The following MCM9 variants were observed in gnomAD, a reference collection of about 807,000 sequenced individuals.
MCM9 encodes minichromosome maintenance 9 homologous recombination repair factor, also known as DNA helicase MCM9.
Under a neutral mutation model 72.8 loss-of-function variants are expected in MCM9, and 55 were observed. The observed-to-expected ratio is 0.76, with a 90% confidence interval of 0.61 to 0.95. The LOEUF is 0.95. Among genes scored for constraint, MCM9 ranks in the 40% least tolerant of loss-of-function variants. The probability of loss-of-function intolerance (pLI) is 0.00; values close to 1 mark genes in which losing one functional copy is unlikely to be tolerated. For synonymous variants in MCM9, 480 were observed against 503.4 expected (o/e 0.95, Z 0.62); for missense variants, 1,279 against 1,377.0 (o/e 0.93, Z 1.13).
intron 4 of MCM9, 59 bp downstream of exon 4, chr6:118,923,752 T>C (rs928146350): frequency 7.0e-7 from 1 of 1,430,140 alleles, no homozygotes; most frequent in Non-Finnish European, 9.7e-7. Context: ...CCTCCCAATG[T>C]GCCCATAGCT....
Position 118,816,197 on chromosome 6 carries a change from A to G in MCM9, c.2059T>C (p.Phe687Leu), listed in dbSNP as rs1046135510. ...LRNGPGEESN[F>L]RTSSQQEINY... is the part of the protein sequence containing the mutation. ...ATTTCCTGCTGTGATGAAGTTCTGA[A>G]GTTTGATTCTTCCCCTGGACCATTT... is the stretch of plus-strand genomic sequence containing the variant. The change falls in exon 14 of 14, where the codon TTC becomes CTC. Residue 687 changes from phenylalanine (F) to leucine (L), a missense_variant. Physicochemically the swap from Phe to Leu is conservative, Grantham distance 22. Transcript: ENST00000619706. 6.4e-7 allele frequency: 1 copy of G among 1,550,496 alleles called. No homozygotes were observed. Among genetic ancestry groups the G allele is most frequent in the Admixed American group, 2.0e-5 (1 of 50,986 alleles).
At chr6:118,879,251 A>G (rs868306565) in intron 8 of MCM9, among the ~76,000 whole-genome samples, 1,578 of 93,420 alleles carry the variant, frequency 0.017, 28 homozygotes, top group African/African-American at 0.053. Context: ...GGAGGGGGAA[A>G]AAAAAAAAAA....
chr6:118,863,081 A>G (rs1438245077), intron 8 of MCM9, among the ~76,000 whole-genome samples: 1 of 152,220 alleles, frequency 6.6e-6, no homozygotes, highest in African/African-American at 2.4e-5. Flanking sequence ...CCTGAAAGAT[A>G]AAAACTTTTA....
At position 118,931,545 on chromosome 6, in the gene MCM9, A is replaced by G. The variant is rs1267856119; in HGVS notation, c.179T>C (p.Met60Thr). ...AATTGTAAGCACTTCACTGGGGAAC[A>G]TGTTGAAATATTCCCCGATTTCCAT... is the stretch of plus-strand genomic sequence containing the variant. ...TNMEIGEYFN[M>T]FPSEVLTIFD... The change falls in exon 3 of 14, where the codon ATG becomes ACG. Residue 60 changes from methionine (M) to threonine (T), a missense_variant. Transcript: ENST00000619706. 6.2e-7 allele frequency: 1 copy of G among 1,614,184 alleles called. No homozygotes were observed.
At chr6:118,861,083 G>A (rs548272164) in intron 8 of MCM9, among the ~76,000 whole-genome samples, 1 of 152,334 alleles carries the variant, frequency 6.6e-6, no homozygotes, top group African/African-American at 2.4e-5. Flanking sequence ...CAGTGAATGA[G>A]TGTGGTGTCC....
Position 118,934,920 on chromosome 6 carries a change from T to C in MCM9, c.-179A>G, listed in dbSNP as rs1254568910. On this transcript the variant is annotated 5_prime_UTR_variant, in exon 1 of 14. Coordinates refer to ENST00000619706, the MANE Select transcript of MCM9 (RefSeq NM_017696.3). The stretch of plus-strand genomic sequence containing the variant: ...TGTGTCAGAAGTCGCCGGGAACGCG[T>C]TGCTCCCGAGGCCGAAGGGCCCAGA... 1.3e-5 allele frequency: 2 copies of C among 152,180 alleles called. No individual in the cohort carries two copies. The highest frequency in any genetic ancestry group is 2.9e-5 in the Non-Finnish European group (2 of 68,042). 9.4% of individuals were successfully genotyped at this position (152,180 alleles called of 1,614,324 possible).
Position 118,815,036 on chromosome 6 carries a change from G to T in MCM9, c.3220C>A (p.Pro1074Thr). The change falls in exon 14 of 14, where the codon CCT becomes ACT. Residue 1074 changes from proline to threonine, a missense_variant. Pro to Thr is a conservative substitution (Grantham distance 38). Transcript: ENST00000619706. Reference sequence around the variant, plus strand: ...CCTCGGTTCTTCCTTTCAGGAGGAGGGGATTTTGATTTGGATTCCGATGGG... The same window carrying T: ...CCTCGGTTCTTCCTTTCAGGAGGAGTGGATTTTGATTTGGATTCCGATGGG... Reference protein sequence around the residue: ...TPPSESKSKSPPPERKNRGER... With the variant: ...TPPSESKSKSTPPERKNRGER... 1.3e-6 allele frequency: 2 copies of T among 1,550,406 alleles called. No homozygotes were observed. Among genetic ancestry groups the T allele is most frequent in the Non-Finnish European group, 1.7e-6 (2 of 1,146,812 alleles).
intron 8 of MCM9, among the ~76,000 whole-genome samples, chr6:118,892,593 C>T (rs2114462206): frequency 6.6e-6 from 1 of 152,298 alleles, no homozygotes; most frequent in South Asian, 2.1e-4. Context: ...GAGTGTCTTA[C>T]AGCATACAGC....
chr6:118,856,830 A>G (rs1776584346), intron 8 of MCM9, among the ~76,000 whole-genome samples: 2 of 152,184 alleles, frequency 1.3e-5, no homozygotes, highest in East Asian at 1.9e-4. Flanking sequence ...GTAGTGAGCC[A>G]TATTAGAGCC....
chr6:118,897,622 CTT>C (rs772622740), intron 8 of MCM9, among the ~76,000 whole-genome samples: 2 of 152,104 alleles, frequency 1.3e-5, no homozygotes, highest in Non-Finnish European at 2.9e-5. Context: ...CTCTTGATGA[CTT>C]CCCTCATTCA....
chr6:118,843,658 G>GTATATATATATGTGTATA (rs1775597639), intron 9 of MCM9, among the ~76,000 whole-genome samples: 3 of 21,588 alleles, frequency 1.4e-4, no homozygotes, highest in Non-Finnish European at 1.7e-4. Context: ...ATATATATGT[G>GTATATATATATGTGTATA]TATATATATA....
chr6:118,836,826 G>C (rs528845189), intron 9 of MCM9, among the ~76,000 whole-genome samples: 69 of 152,056 alleles, frequency 4.5e-4, no homozygotes, highest in African/African-American at 1.6e-3. Context: ...AGGGTTTTTC[G>C]TGTCTCTACC....
At chr6:118,833,694 T>C (rs1311868579) in intron 9 of MCM9, among the ~76,000 whole-genome samples, 3 of 152,178 alleles carry the variant, frequency 2.0e-5, no homozygotes, top group Non-Finnish European at 4.4e-5. Context: ...AGATCAATAC[T>C]GTATGATTCC....
intron 8 of MCM9, among the ~76,000 whole-genome samples, chr6:118,903,573 T>C (rs962831460): frequency 6.6e-6 from 1 of 152,128 alleles, no homozygotes; most frequent in Non-Finnish European, 1.5e-5. Flanking sequence ...ACAAGAAATA[T>C]CAGCACATAA....
chr6:118,870,708 A>G (rs751273956), intron 8 of MCM9, among the ~76,000 whole-genome samples: 122 of 152,248 alleles, frequency 8.0e-4, no homozygotes, highest in Non-Finnish European at 1.5e-3. Context: ...TAAAAAATAA[A>G]ATTGACAAAC....
chr6:118,929,026 C>T (rs1206180499), intron 3 of MCM9, among the ~76,000 whole-genome samples: 2 of 152,044 alleles, frequency 1.3e-5, no homozygotes, highest in Non-Finnish European at 2.9e-5. Flanking sequence ...TCAAGACCAG[C>T]CTGAGCAACA....
intron 13 of MCM9, among the ~76,000 whole-genome samples, chr6:118,821,218 T>C (rs1477042736): frequency 6.6e-6 from 1 of 152,234 alleles, no homozygotes. Context: ...CTTCATAGCA[T>C]CAACGGTCTT....
intron 8 of MCM9, among the ~76,000 whole-genome samples, chr6:118,880,324 G>A (rs1470010988): frequency 1.3e-5 from 2 of 152,180 alleles, no homozygotes; most frequent in African/African-American, 4.8e-5. Flanking sequence ...CGAGGTGTTT[G>A]AAGAGGAATG....
At chr6:118,890,689 G>C (rs1467272512) in intron 8 of MCM9, among the ~76,000 whole-genome samples, 1 of 152,056 alleles carries the variant, frequency 6.6e-6, no homozygotes, top group Non-Finnish European at 1.5e-5. Flanking sequence ...ACTCCATTTA[G>C]AAATGTCTAT....
Sources: gnomAD v4.1 joint callset for allele counts (sites outside exome capture counted in the v4.1 genomes callset) on GRCh38, gnomAD v4.1.1 for gene constraint, MANE v1.5 for transcripts, NCBI Gene and HGNC (gene_info 2026-07-23, HGNC 2026-07-21) for gene names.